The following PCGF6 variants were observed in gnomAD, a reference collection of about 807,000 sequenced individuals.
The protein encoded by PCGF6 is polycomb group ring finger 6, also known as polycomb group RING finger protein 6.
Under a neutral mutation model 45.5 loss-of-function variants are expected in PCGF6, and 24 were observed. That is an observed-to-expected ratio of 0.53 (90% confidence interval 0.38 to 0.74). The LOEUF (loss-of-function observed/expected upper bound fraction) is 0.74. Ranked by LOEUF, PCGF6 falls within the 30% of genes least tolerant of loss-of-function variation. The pLI is 0.00. For synonymous variants in PCGF6, 152 were observed against 162.1 expected (o/e 0.94, Z 0.47); for missense variants, 356 against 443.2 (o/e 0.80, Z 1.77).
At chr10:103,346,188 A>G (rs2093298771) in intron 5 of PCGF6, among the ~76,000 whole-genome samples, 1 of 142,728 alleles carries the variant, frequency 7.0e-6, no homozygotes, top group Admixed American at 7.2e-5. Context: ...GAGCAAGTCC[A>G]TCTCATTTAA....
At chr10:103,307,465 AAAGT>A (rs138164731) in intron 9 of PCGF6, among the ~76,000 whole-genome samples, 2,008 of 152,176 alleles carry the variant, frequency 0.013, 34 homozygotes, top group African/African-American at 0.045. Flanking sequence ...AAAAAGAAAG[AAAGT>A]TTGTTTATTT....
At chr10:103,321,725 C>CAAT (rs890384012) in intron 8 of PCGF6, among the ~76,000 whole-genome samples, 14 of 151,090 alleles carry the variant, frequency 9.3e-5, no homozygotes, top group African/African-American at 1.7e-4. Context: ...AAGAAACAAA[C>CAAT]AATAATAATA....
chr10:103,311,322 A>G (rs549288496), intron 9 of PCGF6, among the ~76,000 whole-genome samples: 1 of 150,386 alleles, frequency 6.6e-6, no homozygotes, highest in Non-Finnish European at 1.5e-5. Flanking sequence ...TTGTATTTTT[A>G]GTAGAGATGG....
At chr10:103,350,069 C>T (rs1341796226) in intron 1 of PCGF6, among the ~76,000 whole-genome samples, 2 of 142,560 alleles carry the variant, frequency 1.4e-5, no homozygotes, top group Non-Finnish European at 1.5e-5. Flanking sequence ...GGCGACAGAG[C>T]GAGACTCCGT....
intron 5 of PCGF6, among the ~76,000 whole-genome samples, chr10:103,345,549 C>T (rs570854529): frequency 1.1e-3 from 174 of 152,114 alleles, no homozygotes; most frequent in Non-Finnish European, 2.1e-3. Flanking sequence ...CTGAGACCGC[C>T]AGTCGCCATG....
In PCGF6 at chr10:103,339,809, AAACACACACACACACAC is replaced by A. The variant is rs1288079244; in HGVS notation, c.782+5198_782+5214del. On this transcript the variant is annotated intron_variant, in intron 6 of 9. Coordinates refer to ENST00000369847, the MANE Select transcript of PCGF6 (RefSeq NM_001011663.2). The stretch of plus-strand genomic sequence containing the variant: ...CGAAATTCTGTCTGTCTCAAAAAAA[AAACACACACACACACAC>A]ACACACACACACACACACACACACA... Among the ~76,000 whole-genome samples the A allele has an allele frequency of 2.3e-4, 9 of 38,688 alleles. No individual in the cohort carries two copies. In the East Asian group the frequency reaches 5.5e-3, roughly 24 times the overall value. The allele number at this position is 38,688 out of a possible 152,430, so 25.4% of individuals were successfully genotyped here.
chr10:103,336,654 C>T (rs1196875806), intron 6 of PCGF6, among the ~76,000 whole-genome samples: 1 of 152,208 alleles, frequency 6.6e-6, no homozygotes, highest in Admixed American at 6.5e-5. Context: ...GTAGGTGGAT[C>T]GCTTGAGGTC....
chr10:103,329,925 C>T (rs1450036645), intron 7 of PCGF6, among the ~76,000 whole-genome samples: 2 of 151,486 alleles, frequency 1.3e-5, no homozygotes, highest in African/African-American at 4.9e-5. Flanking sequence ...ACTACAGGCG[C>T]CTGCCACCAT....
chr10:103,343,018 T>C (rs2093286621), intron 6 of PCGF6, among the ~76,000 whole-genome samples: 1 of 152,076 alleles, frequency 6.6e-6, no homozygotes. Flanking sequence ...AAGCTCTGCC[T>C]CCTGGGTTCA....
chr10:103,315,006 A>T (rs993264046), intron 8 of PCGF6, among the ~76,000 whole-genome samples: 7 of 151,854 alleles, frequency 4.6e-5, no homozygotes, highest in Non-Finnish European at 8.8e-5. Flanking sequence ...TTAATGCTTA[A>T]AAAGGCAATC....
Position 103,320,597 on chromosome 10 carries a change from T to C in PCGF6, c.909+5937A>G, listed in dbSNP as rs1592060663. Among the ~76,000 whole-genome samples the C allele has an allele frequency of 3.3e-5, 5 of 151,858 alleles. 1 individual carries two copies. In the South Asian group the frequency reaches 1.0e-3, roughly 31 times the overall value. On this transcript the variant is annotated intron_variant, in intron 8 of 9. Transcript: ENST00000369847. ...AGCTACTCAGGAGGCTGAGGCAGGATAATCGCTTGAACCCAGGAGGCGGAG... is the reference window on the plus strand; with the variant it reads ...AGCTACTCAGGAGGCTGAGGCAGGACAATCGCTTGAACCCAGGAGGCGGAG...
At chr10:103,343,576 C>G (rs1353939236) in intron 6 of PCGF6, among the ~76,000 whole-genome samples, 1 of 151,824 alleles carries the variant, frequency 6.6e-6, no homozygotes, top group African/African-American at 2.4e-5. Context: ...CGGTGGCTCA[C>G]GTCTGTAATC....
At chr10:103,350,267 CA>C (rs376674913) in intron 1 of PCGF6, among the ~76,000 whole-genome samples, 458 of 128,516 alleles carry the variant, frequency 3.6e-3, no homozygotes, top group African/African-American at 6.5e-3. Flanking sequence ...CTCCTCGCTA[CA>C]AAAAAAAAAA....
intron 8 of PCGF6, among the ~76,000 whole-genome samples, chr10:103,323,927 G>A (rs868403342): frequency 4.0e-5 from 6 of 150,996 alleles, no homozygotes; most frequent in Admixed American, 6.6e-5. Context: ...TAACAATACA[G>A]TATTTTATTA....
intron 9 of PCGF6, among the ~76,000 whole-genome samples, chr10:103,312,123 G>T (rs1475764252): frequency 6.8e-6 from 1 of 147,888 alleles, no homozygotes; most frequent in Admixed American, 6.9e-5. Context: ...GTTGGGCATG[G>T]TGGCTCACGC....
At chr10:103,346,579 A>G (rs944876584) in intron 5 of PCGF6, among the ~76,000 whole-genome samples, 3 of 152,190 alleles carry the variant, frequency 2.0e-5, no homozygotes, top group African/African-American at 7.2e-5. Context: ...AGCCAAGATC[A>G]TGCCACTGCA....
intron 6 of PCGF6, among the ~76,000 whole-genome samples, chr10:103,342,454 G>T (rs2093284393): frequency 6.6e-6 from 1 of 151,490 alleles, no homozygotes; most frequent in South Asian, 2.1e-4. Flanking sequence ...GGGTGATCTT[G>T]AACTCCTGAC....
At chr10:103,348,028 T>C (rs1344838882) in intron 3 of PCGF6, among the ~76,000 whole-genome samples, 2 of 152,134 alleles carry the variant, frequency 1.3e-5, no homozygotes, top group Non-Finnish European at 2.9e-5. Flanking sequence ...AAACTGAGTA[T>C]GAACTGGAAA....
intron 6 of PCGF6, among the ~76,000 whole-genome samples, chr10:103,343,518 T>C (rs2093288451): frequency 6.6e-6 from 1 of 151,988 alleles, no homozygotes; most frequent in Admixed American, 6.6e-5. Flanking sequence ...GAGTACACCA[T>C]ATGCTACAGT....
Sources: allele counts gnomAD v4.1 joint callset (sites outside exome capture counted in the v4.1 genomes callset), GRCh38; gene constraint gnomAD v4.1.1; transcripts MANE v1.5; gene names NCBI Gene and HGNC (gene_info 2026-07-23, HGNC 2026-07-21).